Variants in ADH5 observed in about 807,000 individuals in gnomAD.
The protein encoded by ADH5 is alcohol dehydrogenase class-3.
A neutral mutation model predicts 40.3 loss-of-function variants in ADH5; 32 were observed. That is an observed-to-expected ratio of 0.79 (90% CI 0.60 to 1.07). The LOEUF (loss-of-function observed/expected upper bound fraction) is 1.07, where lower values mean the gene tolerates loss of function less well. ADH5 is among the 50% of genes least tolerant of loss of function. The probability of loss-of-function intolerance (pLI) is 0.00; values close to 1 mark genes in which losing one functional copy is unlikely to be tolerated. For synonymous variants in ADH5, 125 were observed against 154.3 expected (o/e 0.81, Z 1.41); for missense variants, 353 against 460.5 (o/e 0.77, Z 2.14).
At chr4:99,088,592 G>T in intron 1 of ADH5, 97 bp downstream of exon 1, 1 of 1,326,358 alleles carries the variant, frequency 7.5e-7, no homozygotes, top group Non-Finnish European at 1.0e-6. Flanking sequence ...ATCCCGTCTT[G>T]GGCGCCGAGC....
chr4:99,073,831 G>A (rs1711819957), intron 7 of ADH5, among the ~76,000 whole-genome samples: 1 of 152,172 alleles, frequency 6.6e-6, no homozygotes, highest in African/African-American at 2.4e-5. Flanking sequence ...TCAGTTAGAG[G>A]TTACTAGCAA....
At chr4:99,075,957 A>G (rs1467302975) in intron 6 of ADH5, 2 of 202,512 alleles carry the variant, frequency 9.9e-6, no homozygotes, top group African/African-American at 4.7e-5. Flanking sequence ...TGAGGTTGAG[A>G]GAAGCTGTTT....
Position 99,074,969 on chromosome 4 carries a change from G to A in ADH5, c.906C>T (p.Ala302=). Residue 302 remains alanine, a synonymous_variant, in exon 7 of 9, where the codon GCC becomes GCT. Transcript: ENST00000296412. The part of the protein sequence containing the change: ...VGVAASGEEI[A]TRPFQLVTGR... ...CTGTTACCAGCTGGAATGGACGAGT[G>A]GCAATTTCTTCACCTGAAGCAGCTA... 6.2e-7 allele frequency: 1 copy of A among 1,613,166 alleles called. No individual in the cohort carries two copies. Among genetic ancestry groups the A allele is most frequent in the Non-Finnish European group, 8.5e-7 (1 of 1,179,386 alleles).
At chr4:99,075,110 C>A in intron 6 of ADH5, 61 bp from the exon 7 acceptor site, 1 of 1,359,368 alleles carries the variant, frequency 7.4e-7, no homozygotes, top group Non-Finnish European at 9.8e-7. Flanking sequence ...AGAACAACTG[C>A]TGGCGAAACT....
intron 4 of ADH5, among the ~76,000 whole-genome samples, chr4:99,078,266 T>TA (rs1380902308): frequency 6.6e-6 from 1 of 152,200 alleles, no homozygotes; most frequent in South Asian, 2.1e-4. Context: ...TGTATACTCT[T>TA]AAACTCTTTC....
chr4:99,077,227 T>C (rs1239597941), intron 4 of ADH5, among the ~76,000 whole-genome samples: 2 of 152,150 alleles, frequency 1.3e-5, no homozygotes, highest in African/African-American at 4.8e-5. Context: ...TAAAATCCCA[T>C]CATTAAAACG....
Position 99,088,770 on chromosome 4 carries a change from G to A in ADH5, c.-70C>T. The A allele has an allele frequency of 6.9e-7, 1 of 1,455,958 alleles. No individual in the cohort carries two copies. 90.2% of individuals were successfully genotyped at this position (1,455,958 alleles called of 1,614,324 possible). A position where few individuals can be genotyped will look rare whatever the true frequency, so the allele number is the denominator to read the frequency against. On this transcript the variant is annotated 5_prime_UTR_variant, in exon 1 of 9. In the 5' UTR this introduces an upstream ATG that the reference lacks. Transcript: ENST00000296412. Reference sequence around the variant, plus strand: ...GCCGCGCAGCGACGGAGGCATGGGCGTGGCGAGCGCCTAGCGAGGGGGGCG... The same window carrying A: ...GCCGCGCAGCGACGGAGGCATGGGCATGGCGAGCGCCTAGCGAGGGGGGCG...
At chr4:99,078,324 T>C (rs966739773) in intron 4 of ADH5, among the ~76,000 whole-genome samples, 5 of 152,204 alleles carry the variant, frequency 3.3e-5, no homozygotes, top group African/African-American at 1.2e-4. Context: ...ATGGACTGTC[T>C]CTAGATTCAA....
intron 7 of ADH5, among the ~76,000 whole-genome samples, chr4:99,073,340 A>G (rs1727866813): frequency 6.6e-6 from 1 of 151,950 alleles, no homozygotes; most frequent in African/African-American, 2.4e-5. Flanking sequence ...CACCACGCCC[A>G]GCTAATTTTT....
intron 4 of ADH5, 61 bp downstream of exon 4, chr4:99,081,304 T>G (rs748294134): frequency 7.2e-5 from 81 of 1,125,256 alleles, no homozygotes; most frequent in Non-Finnish European, 9.9e-5. Context: ...CCTCGGTCTC[T>G]GTGATTCCTT....
At chr4:99,081,758 A>G in intron 3 of ADH5, 2 of 623,068 alleles carry the variant, frequency 3.2e-6, no homozygotes, top group Non-Finnish European at 5.3e-6. Context: ...GGTTTTGGAA[A>G]TGTACTTAGA....
chr4:99,072,737 T>C (rs1727857538), intron 7 of ADH5, 26 bp from the exon 8 acceptor site: 2 of 1,588,572 alleles, frequency 1.3e-6, no homozygotes, highest in African/African-American at 1.4e-5. Flanking sequence ...CATTAATTTA[T>C]TCAACAAATT....
rs1245960466 is a variant in ADH5 at position 99,071,476 on chromosome 4, C to CT, written c.*940dup. On this transcript the variant is annotated 3_prime_UTR_variant, in exon 9 of 9. Transcript: ENST00000296412. ...TGGTAGTTCCCGTAATTGAATTCTGCTACACAGGACTAAAATTAATGAACG... is the reference window on the plus strand; with the variant it reads ...TGGTAGTTCCCGTAATTGAATTCTGCTTACACAGGACTAAAATTAATGAACG... The CT allele has an allele frequency of 6.6e-6, 1 of 152,096 alleles. No homozygotes were observed. The highest frequency in any genetic ancestry group is 2.4e-5 in the African/African-American group (1 of 41,414). The allele number at this position is 152,096 out of a possible 1,614,324, so 9.4% of individuals were successfully genotyped here.
intron 1 of ADH5, among the ~76,000 whole-genome samples, chr4:99,088,305 T>C (rs1314497359): frequency 6.6e-6 from 1 of 152,160 alleles, no homozygotes; most frequent in African/African-American, 2.4e-5. Context: ...GCTGCAGCTC[T>C]GCCAAGTATG....
intron 8 of ADH5, 37 bp from the exon 9 acceptor site, chr4:99,072,478 A>G (rs1727853191): frequency 6.2e-7 from 1 of 1,610,124 alleles, no homozygotes. Flanking sequence ...TTTAAATGAT[A>G]CCTTTAAGAC....
At position 99,082,002 on chromosome 4, in the gene ADH5, C is replaced by T. The variant is rs1728034377; in HGVS notation, c.229G>A (p.Gly77Ser). Residue 77 changes from glycine to serine, a missense_variant, in exon 3 of 9, where the codon GGT becomes AGT. Transcript: ENST00000296412. ...GCCTTCAGCTTAGTAACTCCCTCACCAACACTTTCCACAATTCCAGCACCT... is the reference window on the plus strand; with the variant it reads ...GCCTTCAGCTTAGTAACTCCCTCACTAACACTTTCCACAATTCCAGCACCT... The part of the protein sequence containing the change: ...HEGAGIVESV[G>S]EGVTKLKAGD... 6.2e-7 allele frequency: 1 copy of T among 1,613,656 alleles called. No homozygotes were observed. The highest frequency in any genetic ancestry group is 1.7e-5 in the Admixed American group (1 of 59,984).
intron 4 of ADH5, chr4:99,080,810 AATT>A (rs1728014243): frequency 6.3e-6 from 1 of 159,296 alleles, no homozygotes; most frequent in Middle Eastern, 3.1e-3. Flanking sequence ...ACTGCCACAC[AATT>A]ATTTATTCTT....
Position 99,072,103 on chromosome 4 carries a change from G to A in ADH5, c.*314C>T, listed in dbSNP as rs1579359436. On this transcript the variant is annotated 3_prime_UTR_variant, in exon 9 of 9. Transcript: ENST00000296412. ...TTTCCCTTGCAGAATGAAGATAATG[G>A]GCAGACAAACCGTGACAATGATGAC... The A allele has an allele frequency of 3.7e-6, 1 of 272,712 alleles. No homozygotes were observed. 16.9% of individuals were successfully genotyped at this position (272,712 alleles called of 1,614,324 possible). A position where few individuals can be genotyped will look rare whatever the true frequency, so the allele number is the denominator to read the frequency against.
chr4:99,088,722 C>G lies in ADH5; in HGVS notation c.-22G>C, dbSNP rs1553951638. 1 of 1,400,948 alleles carries G rather than the reference C, an allele frequency of 7.1e-7. No individual in the cohort carries two copies. The highest frequency in any genetic ancestry group is 1.9e-5 in the Admixed American group (1 of 52,290). The allele number at this position is 1,400,948 out of a possible 1,614,324, so 86.8% of individuals were successfully genotyped here. ...CCATGTTCACGGATTCTGGTCGGCG[C>G]GGGGGGCTGACATCCGGGGTGGGCC... is the stretch of plus-strand genomic sequence containing the variant. On this transcript the variant is annotated 5_prime_UTR_variant, in exon 1 of 9. Transcript: ENST00000296412.
Sources: gnomAD v4.1 joint callset for allele counts (sites outside exome capture counted in the v4.1 genomes callset) on GRCh38, gnomAD v4.1.1 for gene constraint, MANE v1.5 for transcripts, NCBI Gene and HGNC (gene_info 2026-07-23, HGNC 2026-07-21) for gene names.